Variants in NWD2 observed in about 807,000 individuals in gnomAD.
NWD2 encodes the protein NACHT and WD repeat domain containing 2.
NWD2 carries 37 observed loss-of-function variants against 132.7 expected under a neutral mutation model. The observed-to-expected ratio is 0.28, with a 90% confidence interval of 0.21 to 0.37. The LOEUF (loss-of-function observed/expected upper bound fraction) is 0.37, where lower values mean the gene tolerates loss of function less well. NWD2 is among the 10% of genes least tolerant of loss of function. The pLI is 1.00. For synonymous variants in NWD2, 705 were observed against 803.0 expected (o/e 0.88, Z 2.06); for missense variants, 1,592 against 2,122.4 (o/e 0.75, Z 4.91).
chr4:37,245,740 T>C (rs1717231508), intron 1 of NWD2, among the ~76,000 whole-genome samples: 1 of 151,922 alleles, frequency 6.6e-6, no homozygotes, highest in African/African-American at 2.4e-5. Flanking sequence ...CAAGCAGACT[T>C]TTGTGAACCG....
rs1258086396 is a variant in NWD2, at chr4:37,446,948, A to G, written c.4960A>G (p.Lys1654Glu). 6.4e-7 allele frequency: 1 copy of G among 1,551,598 alleles called. No homozygotes were observed. Residue 1654 changes from lysine (K) to glutamate (E), a missense_variant, in exon 7 of 7, where the codon AAA becomes GAA. Physicochemically the swap from Lys to Glu is moderately conservative, Grantham distance 56. This residue lies in a region of NWD2 where 257 missense variants were observed against 335.0 expected (regional missense o/e 0.77). Coordinates refer to ENST00000309447, the MANE Select transcript of NWD2 (RefSeq NM_001144990.2). This position sits in a 1 kb window ranked among gnomAD's most constrained non-coding sequence, Gnocchi z 6.7. ...AGTAGACCGTGTAGATGCTGCACTG[A>G]AAATCAAAATTGCCACTTCAAATAG... ...TVVDRVDAAL[K>E]IKIATSNSRQ...
chr4:37,294,055 C>G (rs1577658372), intron 1 of NWD2, among the ~76,000 whole-genome samples: 2 of 152,080 alleles, frequency 1.3e-5, no homozygotes, highest in South Asian at 4.2e-4. Context: ...ACAGGAAGTC[C>G]CCACCCCCCT....
chr4:37,275,615 C>T (rs1276515580), intron 1 of NWD2, among the ~76,000 whole-genome samples: 1 of 152,142 alleles, frequency 6.6e-6, no homozygotes, highest in East Asian at 1.9e-4. Context: ...GCCCACATCG[C>T]CAAGTCAATC....
At chr4:37,275,452 C>T (rs1717988352) in intron 1 of NWD2, among the ~76,000 whole-genome samples, 1 of 152,138 alleles carries the variant, frequency 6.6e-6, no homozygotes, top group African/African-American at 2.4e-5. Flanking sequence ...GAAGAACACT[C>T]CATGCTCATG....
intron 3 of NWD2, among the ~76,000 whole-genome samples, chr4:37,402,828 A>G (rs1045444264): frequency 6.6e-6 from 1 of 152,192 alleles, no homozygotes; most frequent in African/African-American, 2.4e-5. Context: ...ACCAAGTCTA[A>G]GATTTTGTTA....
rs530397480 is a variant in NWD2, at chr4:37,444,681, G to T, written c.2693G>T (p.Ser898Ile). Residue 898 changes from serine to isoleucine, a missense_variant, in exon 7 of 7, where the codon AGC becomes ATC. Ser to Ile is a moderately radical substitution (Grantham distance 142, BLOSUM62 -2). Around this residue, in one of 7 missense-constraint regions of NWD2, gnomAD observed 1,071 missense variants for 1,398.0 expected, o/e 0.77. Coordinates refer to ENST00000309447, the MANE Select transcript of NWD2 (RefSeq NM_001144990.2). This position sits in a 1 kb window ranked among gnomAD's most constrained non-coding sequence, Gnocchi z 4.8. ...ELKFLANTLRSIKNKVTAFPG... is the reference protein window; with the variant it reads ...ELKFLANTLRIIKNKVTAFPG... ...AAGTTCCTGGCCAACACCCTCCGCA[G>T]CATCAAAAACAAGGTCACTGCATTT... 6.4e-7 allele frequency: 1 copy of T among 1,552,180 alleles called. No homozygotes were observed. Among genetic ancestry groups the T allele is most frequent in the African/African-American group, 1.4e-5 (1 of 73,136 alleles).
intron 3 of NWD2, among the ~76,000 whole-genome samples, chr4:37,398,024 T>G (rs530095575): frequency 1.3e-5 from 2 of 152,268 alleles, no homozygotes; most frequent in East Asian, 3.9e-4. Context: ...CGCAACTGAG[T>G]GAGTTGCACA....
chr4:37,435,759 G>C (rs1238231126), intron 5 of NWD2, among the ~76,000 whole-genome samples: 1 of 152,042 alleles, frequency 6.6e-6, no homozygotes, highest in Non-Finnish European at 1.5e-5. Flanking sequence ...ATGTGAAGAT[G>C]AGAAATTTCA....
At chr4:37,400,110 A>G (rs1358580063) in intron 3 of NWD2, among the ~76,000 whole-genome samples, 1 of 152,206 alleles carries the variant, frequency 6.6e-6, no homozygotes. Flanking sequence ...ACAGAATCTA[A>G]ACAGATACAT....
rs552080867 is a variant in NWD2, at chr4:37,416,739, G to C, written c.358-13833G>C. ...AATCAACAAGTGGATAAAAATGTGAGATGTACATATAATAGAATACTACTC... is the reference window on the plus strand; with the variant it reads ...AATCAACAAGTGGATAAAAATGTGACATGTACATATAATAGAATACTACTC... On this transcript the variant is annotated intron_variant, in intron 3 of 6. Transcript: ENST00000309447. Among the ~76,000 whole-genome samples the C allele has an allele frequency of 2.2e-4, 33 of 152,268 alleles. 1 individual carries two copies. In the South Asian group the frequency reaches 5.2e-3, roughly 24 times the overall value.
chr4:37,428,255 C>T (rs1158256217), intron 3 of NWD2, among the ~76,000 whole-genome samples: 1 of 152,148 alleles, frequency 6.6e-6, no homozygotes, highest in African/African-American at 2.4e-5. Flanking sequence ...CTAGGGAAAC[C>T]AGACCTGAAA....
At chr4:37,354,839 A>C (rs1166565372) in intron 2 of NWD2, among the ~76,000 whole-genome samples, 4 of 152,250 alleles carry the variant, frequency 2.6e-5, no homozygotes, top group African/African-American at 7.2e-5. Context: ...ACACCTGGAA[A>C]GATTAACAAC....
At chr4:37,432,253 A>G (rs563936029) in intron 4 of NWD2, among the ~76,000 whole-genome samples, 9 of 152,080 alleles carry the variant, frequency 5.9e-5, no homozygotes, top group Non-Finnish European at 1.2e-4. Flanking sequence ...CACATAATCA[A>G]TGAAAATAGA....
In NWD2 at chr4:37,353,252, C is replaced by T. The variant is rs35272431; in HGVS notation, c.241-3114C>T. On this transcript the variant is annotated intron_variant, in intron 2 of 6. Coordinates refer to ENST00000309447, the MANE Select transcript of NWD2 (RefSeq NM_001144990.2). Reference sequence around the variant, plus strand: ...TGTCTAATGGGCTTCCCTTTCCCAACCTTTCTCTATGGCTGCCCCTAACAT... The same window carrying T: ...TGTCTAATGGGCTTCCCTTTCCCAATCTTTCTCTATGGCTGCCCCTAACAT... 4.0e-3 allele frequency among the ~76,000 whole-genome samples: 603 copies of T among 151,770 alleles called. 4 individuals are homozygous for T. The highest frequency in any genetic ancestry group is 7.7e-3 in the Admixed American group (118 of 15,230).
Position 37,444,160 on chromosome 4 carries a change from GAAA to G in NWD2, c.2175_2177del (p.Lys725del). 6.4e-7 allele frequency: 1 copy of G among 1,551,700 alleles called. No homozygotes were observed. Among genetic ancestry groups the G allele is most frequent in the Non-Finnish European group, 8.7e-7 (1 of 1,147,000 alleles). On this transcript the variant is annotated inframe_deletion, in exon 7 of 7. Coordinates refer to ENST00000309447, the MANE Select transcript of NWD2 (RefSeq NM_001144990.2). The surrounding 1 kb of genome is among the most constrained non-coding windows in gnomAD (Gnocchi z 4.8). ...GTGGATACCTAATAGAAAGACATGT[GAAA>G]AATGTCACACTCCTAGTCTGGGCCA...
intron 3 of NWD2, among the ~76,000 whole-genome samples, chr4:37,357,165 G>A (rs150584690): frequency 1.5e-3 from 229 of 152,126 alleles, no homozygotes; most frequent in African/African-American, 5.3e-3. Flanking sequence ...GCTTAAGAAA[G>A]ACTTACCTTG....
chr4:37,311,913 A>G (rs1312952152), intron 1 of NWD2, among the ~76,000 whole-genome samples: 1 of 151,446 alleles, frequency 6.6e-6, no homozygotes, highest in Non-Finnish European at 1.5e-5. Flanking sequence ...TGTTTTTGTC[A>G]GGTTTGTCAA....
intron 3 of NWD2, among the ~76,000 whole-genome samples, chr4:37,422,799 A>C (rs1359778140): frequency 6.6e-6 from 1 of 152,220 alleles, no homozygotes; most frequent in African/African-American, 2.4e-5. Context: ...GAGACAAAAC[A>C]ATCTGCTTAC....
chr4:37,357,556 G>A (rs936590), intron 3 of NWD2, among the ~76,000 whole-genome samples: 143,657 of 152,182 alleles, frequency 0.94, 68,360 homozygotes, highest in East Asian at 1. Flanking sequence ...GTTGCTCTTA[G>A]GTGCTGGGGG....
Sources: gnomAD v4.1 joint callset for allele counts (sites outside exome capture counted in the v4.1 genomes callset) on GRCh38, gnomAD v4.1.1 for gene constraint, gnomAD v4.1.1 regional missense constraint, Gnocchi (gnomAD v3.1) non-coding constraint, MANE v1.5 for transcripts, NCBI Gene and HGNC (gene_info 2026-07-23, HGNC 2026-07-21) for gene names.